Variants in PIWIL3 observed in about 807,000 individuals in gnomAD.
PIWIL3 encodes piwi like RNA-mediated gene silencing 3, also known as piwi-like protein 3.
A neutral mutation model predicts 109.7 loss-of-function variants in PIWIL3; 101 were observed. The observed-to-expected ratio is 0.92, with a 90% CI of 0.78 to 1.09. The LOEUF (loss-of-function observed/expected upper bound fraction) is 1.09, where lower values mean the gene tolerates loss of function less well. Ranked by LOEUF, PIWIL3 falls within the 50% of genes least tolerant of loss-of-function variation. The pLI is 0.00. For missense variants in PIWIL3, 1,031 were observed against 1,072.6 expected (o/e 0.96, Z 0.54); for synonymous variants, 373 against 376.4 (o/e 0.99, Z 0.10).
intron 1 of PIWIL3, among the ~76,000 whole-genome samples, chr22:24,772,473 T>C (rs902702532): frequency 6.6e-6 from 1 of 152,120 alleles, no homozygotes; most frequent in Admixed American, 6.6e-5. Flanking sequence ...TGTTTCCTAG[T>C]ATGTTGGGTA....
chr22:24,746,482 T>C (rs1356840008), intron 12 of PIWIL3, among the ~76,000 whole-genome samples: 2 of 152,144 alleles, frequency 1.3e-5, no homozygotes, highest in African/African-American at 2.4e-5. Flanking sequence ...TGAAAGCCTT[T>C]TCTCCAAGAT....
chr22:24,732,222 A>G (rs990999333), intron 14 of PIWIL3, among the ~76,000 whole-genome samples: 2 of 152,138 alleles, frequency 1.3e-5, no homozygotes, highest in African/African-American at 4.8e-5. Context: ...ACATGGCTTG[A>G]TTCCTAGTTA....
At chr22:24,734,783 C>T (rs1282969180) in intron 13 of PIWIL3, among the ~76,000 whole-genome samples, 1 of 151,464 alleles carries the variant, frequency 6.6e-6, no homozygotes, top group African/African-American at 2.4e-5. Flanking sequence ...TCCTAACAAA[C>T]CCTGCCCTCA....
At chr22:24,754,967 T>C (rs1412031768) in intron 6 of PIWIL3, 103 bp from the exon 7 acceptor site, 3 of 878,714 alleles carry the variant, frequency 3.4e-6, no homozygotes, top group Non-Finnish European at 5.6e-6. Context: ...CTGTTTATAT[T>C]ATCAATGAAC....
chr22:24,768,728 G>A (rs1925946888), intron 1 of PIWIL3, among the ~76,000 whole-genome samples: 1 of 152,330 alleles, frequency 6.6e-6, no homozygotes, highest in Admixed American at 6.5e-5. Context: ...CAACTCTGCA[G>A]GTGGAGGAGG....
In PIWIL3 at chr22:24,728,014, C is replaced by T. The variant is rs200123984; in HGVS notation, c.1945G>A (p.Asp649Asn). 241 of 1,613,942 alleles carry T rather than the reference C, an allele frequency of 1.5e-4. 1 individual carries two copies. Among genetic ancestry groups the T allele is most frequent in the East Asian group, 7.4e-4 (33 of 44,870 alleles). The change falls in exon 16 of 21, where the codon GAT becomes AAT. Residue 649 changes from aspartate (D) to asparagine (N), a missense_variant. Physicochemically the swap from Asp to Asn is conservative, Grantham distance 23. Coordinates refer to ENST00000616349, the MANE Select transcript of PIWIL3 (RefSeq NM_001255975.1). ...ATTGATTTCTGTCGATTTACGATAT[C>T]GTGGAAACAATCAATGCCAACGAAC... ...TMFVGIDCFH[D>N]IVNRQKSIAG... is the part of the protein sequence containing the mutation.
intron 1 of PIWIL3, among the ~76,000 whole-genome samples, chr22:24,764,167 C>T (rs375132591): frequency 6.6e-6 from 1 of 152,240 alleles, no homozygotes; most frequent in Non-Finnish European, 1.5e-5. Context: ...CCTGGGGTCC[C>T]GGCCTCTTCT....
At chr22:24,737,012 G>A (rs987604013) in intron 12 of PIWIL3, among the ~76,000 whole-genome samples, 3 of 152,180 alleles carry the variant, frequency 2.0e-5, no homozygotes, top group African/African-American at 7.2e-5. Context: ...CACAAAGACT[G>A]CAATCCCTAG....
intron 12 of PIWIL3, among the ~76,000 whole-genome samples, chr22:24,739,788 T>C (rs1923873521): frequency 6.6e-6 from 1 of 152,114 alleles, no homozygotes; most frequent in African/African-American, 2.4e-5. Context: ...CGGTGGCTCA[T>C]GCCTGTAATC....
chr22:24,769,831 A>G (rs1201443316), intron 1 of PIWIL3: 1 of 151,678 alleles, frequency 6.6e-6, no homozygotes, highest in Non-Finnish European at 1.5e-5. Flanking sequence ...AAATACACCA[A>G]TACTAATGAT....
intron 12 of PIWIL3, among the ~76,000 whole-genome samples, chr22:24,748,216 G>T (rs1460817923): frequency 6.6e-6 from 1 of 152,160 alleles, no homozygotes; most frequent in East Asian, 1.9e-4. Flanking sequence ...TTATTTGTGG[G>T]ATCTACAAGA....
intron 12 of PIWIL3, 116 bp downstream of exon 12, chr22:24,748,791 G>T: frequency 1.4e-6 from 1 of 731,656 alleles, no homozygotes; most frequent in South Asian, 1.9e-5. Context: ...TAGAAAGAAT[G>T]AGCAGTCTGA....
At chr22:24,735,223 G>A (rs1161972490) in intron 13 of PIWIL3, among the ~76,000 whole-genome samples, 1 of 152,082 alleles carries the variant, frequency 6.6e-6, no homozygotes, top group Non-Finnish European at 1.5e-5. Flanking sequence ...CCAGTAGAAT[G>A]TACAACTCCA....
chr22:24,719,599 A>G lies in PIWIL3; in HGVS notation c.2506-11T>C. ...AACTCGGATGATGCCCTTTAGTAGG[A>G]AAAGAAAATACACAACTAAATTTTT... is the stretch of plus-strand genomic sequence containing the variant. On this transcript the variant is annotated splice_polypyrimidine_tract_variant and intron_variant, in intron 20 of 20. Coordinates refer to ENST00000616349, the MANE Select transcript of PIWIL3 (RefSeq NM_001255975.1). 1 of 1,570,308 alleles carries G rather than the reference A, an allele frequency of 6.4e-7. No homozygotes were observed.
intron 14 of PIWIL3, among the ~76,000 whole-genome samples, chr22:24,730,734 T>C (rs982468439): frequency 1.3e-5 from 2 of 152,232 alleles, no homozygotes; most frequent in Non-Finnish European, 2.9e-5. Flanking sequence ...ATCGGATTAA[T>C]GCATAATTTT....
At chr22:24,734,734 G>A (rs1055668748) in intron 13 of PIWIL3, among the ~76,000 whole-genome samples, 16 of 151,800 alleles carry the variant, frequency 1.1e-4, no homozygotes, top group African/African-American at 3.4e-4. Flanking sequence ...CAGGGGGAGG[G>A]GAAAAGAATT....
intron 15 of PIWIL3, 52 bp downstream of exon 15, chr22:24,728,125 T>C: frequency 3.1e-6 from 5 of 1,608,076 alleles, no homozygotes; most frequent in Middle Eastern, 1.7e-4. Flanking sequence ...ATTAAGAGAA[T>C]CTCAAGTTTT....
In PIWIL3 at chr22:24,724,912, AG is replaced by A. The variant is rs1161339744; in HGVS notation, c.2205del (p.Tyr736ThrfsTer2). ...TTGTTAGGAGAGATGGTTTTTAAGT[AG>A]GTCGACATCTTTTTCGCTTCATGGT... ...LLDHEAKKMS[T>X]YLKTISPNNF... On this transcript the variant is annotated frameshift_variant, in exon 18 of 21. Coordinates refer to ENST00000616349, the MANE Select transcript of PIWIL3 (RefSeq NM_001255975.1). LOFTEE classifies it high-confidence loss of function. The A allele has an allele frequency of 6.2e-7, 1 of 1,613,964 alleles. No homozygotes were observed. The highest frequency in any genetic ancestry group is 8.5e-7 in the Non-Finnish European group (1 of 1,179,988).
chr22:24,737,281 T>A (rs745406731), intron 12 of PIWIL3, among the ~76,000 whole-genome samples: 30 of 152,176 alleles, frequency 2.0e-4, no homozygotes, highest in Admixed American at 1.1e-3. Flanking sequence ...CAGTCACGGT[T>A]GTGAGGCTCC....
Sources: gnomAD v4.1 joint callset for allele counts (sites outside exome capture counted in the v4.1 genomes callset) on GRCh38, gnomAD v4.1.1 for gene constraint, MANE v1.5 for transcripts, NCBI Gene and HGNC (gene_info 2026-07-23, HGNC 2026-07-21) for gene names.